PLXNA2: variants seen among roughly 807,000 people sequenced by gnomAD.
PLXNA2 encodes the protein plexin A2, also known as plexin-A2.
In PLXNA2, 91 loss-of-function variants were observed where a neutral mutation model predicts 193.5. The observed-to-expected ratio is 0.47, with a 90% CI of 0.40 to 0.56. The LOEUF is 0.56. PLXNA2 is among the 20% of genes least tolerant of loss of function. The pLI is 0.00. For missense variants in PLXNA2, 1,995 were observed against 2,503.2 expected (o/e 0.80, Z 4.33); for synonymous variants, 997 against 1,027.3 (o/e 0.97, Z 0.56).
rs1323701089 is a variant in PLXNA2 at position 208,044,845 on chromosome 1, A to G, written c.3640-103T>C. 9.7e-7 allele frequency: 1 copy of G among 1,035,738 alleles called. No homozygotes were observed. Among genetic ancestry groups the G allele is most frequent in the Non-Finnish European group, 1.4e-6 (1 of 690,366 alleles). The allele number at this position is 1,035,738 out of a possible 1,614,324, so 64.2% of individuals were successfully genotyped here. A position where few individuals can be genotyped will look rare whatever the true frequency, so the allele number is the denominator to read the frequency against. ...GCGAGGAAGGACATGACAGACCACA[A>G]CCACACAGTGCAGCTCTAGATAAAA... On this transcript the variant is annotated intron_variant, in intron 19 of 31. Coordinates refer to ENST00000367033, the MANE Select transcript of PLXNA2 (RefSeq NM_025179.4). The surrounding 1 kb of genome is among the most constrained non-coding windows in gnomAD (Gnocchi z 4.9).
chr1:208,104,507 T>C (rs532180904), intron 4 of PLXNA2, among the ~76,000 whole-genome samples: 1 of 152,244 alleles, frequency 6.6e-6, no homozygotes, highest in Non-Finnish European at 1.5e-5. Context: ...GCTGAAGGTT[T>C]GGGGAACTTA....
chr1:208,138,035 C>T (rs950160435), intron 4 of PLXNA2, among the ~76,000 whole-genome samples: 6 of 151,974 alleles, frequency 3.9e-5, no homozygotes, highest in Middle Eastern at 3.2e-3. Flanking sequence ...TGTTTTAGAG[C>T]GAAATGATGA....
rs796137923 is a variant in PLXNA2, at chr1:208,204,625, T to A, written c.1371+5655A>T. Among the ~76,000 whole-genome samples the A allele has an allele frequency of 5.3e-5, 8 of 152,310 alleles. 1 individual carries two copies. The highest frequency in any genetic ancestry group is 1.9e-4 in the African/African-American group (8 of 41,560). ...CCGTTGGTGTCTGATTCTATTTCAA[T>A]TCGTACAAATAGATGTCTGGCATAG... On this transcript the variant is annotated intron_variant, in intron 3 of 31. Transcript: ENST00000367033.
chr1:208,217,723 A>G lies in PLXNA2; in HGVS notation c.200T>C (p.Ile67Thr), dbSNP rs1218964803. 1 of 1,614,096 alleles carries G rather than the reference A, an allele frequency of 6.2e-7. No homozygotes were observed. Among genetic ancestry groups the G allele is most frequent in the South Asian group, 1.1e-5 (1 of 91,076 alleles). The part of the protein sequence containing the change: ...QGTGAVYVGA[I>T]NRVYKLTGNL... ...GCCTGTCAGCTTATAGACCCGGTTG[A>G]TGGCCCCCACATAGACGGCCCCCGT... is the stretch of plus-strand genomic sequence containing the variant. The change falls in exon 2 of 32, where the codon ATC (isoleucine) becomes ACC (threonine). Residue 67 changes from isoleucine (I) to threonine (T), a missense_variant. By Grantham distance (89) the Ile-to-Thr change is moderately conservative. This residue lies in a region of PLXNA2 where 702 missense variants were observed against 812.9 expected (regional missense o/e 0.86). Transcript: ENST00000367033. This position sits in a 1 kb window ranked among gnomAD's most constrained non-coding sequence, Gnocchi z 4.7.
At chr1:208,235,878 G>C (rs1393009226) in intron 1 of PLXNA2, among the ~76,000 whole-genome samples, 1 of 152,196 alleles carries the variant, frequency 6.6e-6, no homozygotes, top group African/African-American at 2.4e-5. Flanking sequence ...TCAGAGTGGG[G>C]CGGTAGACTC....
At chr1:208,223,034 T>C (rs532845883) in intron 1 of PLXNA2, among the ~76,000 whole-genome samples, 16 of 152,038 alleles carry the variant, frequency 1.1e-4, no homozygotes, top group African/African-American at 3.9e-4. Flanking sequence ...AGCCAGACGG[T>C]GGTAGGGAAA....
At chr1:208,174,979 C>A (rs530529864) in intron 3 of PLXNA2, among the ~76,000 whole-genome samples, 3 of 152,310 alleles carry the variant, frequency 2.0e-5, no homozygotes, top group East Asian at 3.9e-4. Flanking sequence ...CTCTGTCCAG[C>A]CCTGGCCATT....
At chr1:208,032,370 A>T (rs1664530241) in intron 28 of PLXNA2, among the ~76,000 whole-genome samples, 1 of 152,196 alleles carries the variant, frequency 6.6e-6, no homozygotes, top group Admixed American at 6.5e-5. Flanking sequence ...GGCTCATGGC[A>T]CACCTCTGAG....
rs1283599330 is a variant in PLXNA2 at position 208,233,517 on chromosome 1, C to T, written c.-81+10126G>A. On this transcript the variant is annotated intron_variant, in intron 1 of 31. Transcript: ENST00000367033. ...CTGGGGGCCCGCAGTGGAAGTCAAT[C>T]GGGTGGCCTAGACCAGGTTCTCTGG... 5.3e-5 allele frequency among the ~76,000 whole-genome samples: 8 copies of T among 152,324 alleles called. No individual in the cohort carries two copies. In the East Asian group the frequency reaches 7.7e-4, roughly 15 times the overall value.
intron 3 of PLXNA2, among the ~76,000 whole-genome samples, chr1:208,199,770 A>G (rs1019113972): frequency 1.3e-5 from 2 of 152,172 alleles, no homozygotes; most frequent in African/African-American, 4.8e-5. Context: ...CCTGGGTTCC[A>G]GTCTTGCCTC....
chr1:208,169,147 C>A lies in PLXNA2; in HGVS notation c.1372-26684G>T, dbSNP rs975549997. Among the ~76,000 whole-genome samples, 8 of 152,122 alleles carry A rather than the reference C, an allele frequency of 5.3e-5. No homozygotes were observed. The South Asian group carries it at 1.2e-3, about 24-fold the overall frequency. On this transcript the variant is annotated intron_variant, in intron 3 of 31. Transcript: ENST00000367033. ...ACAGCTGGGCTGGGGTAAAGGCAGA[C>A]TCCTCCCTGCACTGAGCTCCTCTGT...
At chr1:208,166,212 G>C (rs1040581309) in intron 3 of PLXNA2, among the ~76,000 whole-genome samples, 1 of 152,242 alleles carries the variant, frequency 6.6e-6, no homozygotes, top group African/African-American at 2.4e-5. Context: ...AGTGATGGGA[G>C]TTCCATTCCC....
In PLXNA2 at chr1:208,084,460, C is replaced by T. The variant is rs1427888531; in HGVS notation, c.2218G>A (p.Val740Ile). 2.5e-6 allele frequency: 4 copies of T among 1,614,152 alleles called. No homozygotes were observed. The South Asian group carries it at 4.4e-5, about 18-fold the overall frequency. ...TGGATGGCTCCTTGTATGTTGAGGA[C>T]ACACTCATAGCCTCGCTGGCCGGAC... ...PQSGQRGYEC[V>I]LNIQGAIHRV... The change falls in exon 10 of 32, where the codon GTC (valine) becomes ATC (isoleucine). Residue 740 changes from valine (V) to isoleucine (I), a missense_variant. Physicochemically the swap from Val to Ile is conservative, Grantham distance 29. Transcript: ENST00000367033.
intron 1 of PLXNA2, among the ~76,000 whole-genome samples, chr1:208,224,456 G>A (rs1033882079): frequency 3.3e-5 from 5 of 151,646 alleles, no homozygotes; most frequent in African/African-American, 1.2e-4. Context: ...TCTTATTTCA[G>A]CTGTCACTCA....
At chr1:208,134,558 C>T (rs886502466) in intron 4 of PLXNA2, among the ~76,000 whole-genome samples, 1 of 152,186 alleles carries the variant, frequency 6.6e-6, no homozygotes, top group African/African-American at 2.4e-5. Flanking sequence ...CGCTTATCCT[C>T]ACTTTCCTAA....
At chr1:208,106,298 T>C (rs1667269620) in intron 4 of PLXNA2, among the ~76,000 whole-genome samples, 2 of 152,212 alleles carry the variant, frequency 1.3e-5, no homozygotes, top group African/African-American at 4.8e-5. Context: ...TGCTTCTATA[T>C]TCATTTGTCA....
chr1:208,114,181 G>A (rs1169193888), intron 4 of PLXNA2, among the ~76,000 whole-genome samples: 1 of 152,166 alleles, frequency 6.6e-6, no homozygotes, highest in Non-Finnish European at 1.5e-5. Context: ...TCTAGTTTTT[G>A]CCTCTTGGTC....
At position 208,044,378 on chromosome 1, in the gene PLXNA2, G is replaced by A. The variant is rs1664982009; in HGVS notation, c.3874+130C>T. The A allele has an allele frequency of 2.9e-6, 2 of 678,774 alleles. No individual in the cohort carries two copies. Among genetic ancestry groups the A allele is most frequent in the Non-Finnish European group, 5.1e-6 (2 of 389,598 alleles). 42.0% of individuals were successfully genotyped at this position (678,774 alleles called of 1,614,324 possible). On this transcript the variant is annotated intron_variant, in intron 20 of 31. Coordinates refer to ENST00000367033, the MANE Select transcript of PLXNA2 (RefSeq NM_025179.4). This position sits in a 1 kb window ranked among gnomAD's most constrained non-coding sequence, Gnocchi z 4.9. ...AGCAAAAGAAGTTCTGGGAAAACAG[G>A]GGTGAAAGTGGAATGCAGAGGCATG...
chr1:208,049,596 A>C (rs1665189451), intron 17 of PLXNA2, among the ~76,000 whole-genome samples: 1 of 152,214 alleles, frequency 6.6e-6, no homozygotes, highest in African/African-American at 2.4e-5. Context: ...CCAGCATTTC[A>C]TGTGGCCTAG....
Sources: allele counts gnomAD v4.1 joint callset (sites outside exome capture counted in the v4.1 genomes callset), GRCh38; gene constraint gnomAD v4.1.1; regional missense constraint gnomAD v4.1.1; non-coding constraint Gnocchi (gnomAD v3.1); transcripts MANE v1.5; gene names NCBI Gene and HGNC (gene_info 2026-07-23, HGNC 2026-07-21).